KIAA1217: variants seen among roughly 807,000 people sequenced by gnomAD.
KIAA1217 encodes sickle tail protein homolog.
In KIAA1217, 88 loss-of-function variants were observed where a neutral mutation model predicts 163.9. The ratio of observed to expected loss-of-function variants is 0.54; its 90% CI spans 0.45 to 0.64. The LOEUF is 0.64. KIAA1217 is among the 30% of genes least tolerant of loss of function. The pLI, the probability that KIAA1217 is intolerant of heterozygous loss-of-function variation, is 0.00. For missense variants in KIAA1217, 2,372 were observed against 2,475.0 expected (o/e 0.96, Z 0.88); for synonymous variants, 903 against 923.1 (o/e 0.98, Z 0.39).
chr10:23,864,658 G>A (rs112640472), intron 1 of KIAA1217, among the ~76,000 whole-genome samples: 2 of 151,824 alleles, frequency 1.3e-5, no homozygotes, highest in African/African-American at 4.8e-5. Context: ...GCTTTTGTTT[G>A]TCTGTAGCAC....
At chr10:24,428,512 C>G (rs1001165332) in intron 3 of KIAA1217, among the ~76,000 whole-genome samples, 5 of 152,156 alleles carry the variant, frequency 3.3e-5, no homozygotes, top group African/African-American at 1.2e-4. Context: ...GAATGTGTCT[C>G]TACTGTGGAT....
At chr10:24,401,818 C>T (rs2056557853) in intron 3 of KIAA1217, among the ~76,000 whole-genome samples, 1 of 121,936 alleles carries the variant, frequency 8.2e-6, no homozygotes, top group Admixed American at 8.0e-5. Context: ...CATAGGAAAT[C>T]CAATGAATGC....
intron 1 of KIAA1217, among the ~76,000 whole-genome samples, chr10:23,934,923 T>A (rs930419155): frequency 3.9e-5 from 6 of 151,918 alleles, no homozygotes; most frequent in African/African-American, 1.5e-4. Flanking sequence ...AGCCAAAGTA[T>A]ATTTTTTTAA....
intron 1 of KIAA1217, among the ~76,000 whole-genome samples, chr10:23,935,340 G>T (rs746870189): frequency 2.2e-4 from 34 of 152,136 alleles, no homozygotes; most frequent in Non-Finnish European, 4.0e-4. Flanking sequence ...TCAGACTTCT[G>T]CCCACCTCAG....
intron 2 of KIAA1217, among the ~76,000 whole-genome samples, chr10:24,144,028 A>G (rs1369364240): frequency 1.3e-5 from 2 of 152,216 alleles, no homozygotes; most frequent in Non-Finnish European, 2.9e-5. Flanking sequence ...TATCTGCAGT[A>G]TTAGACTGGA....
intron 3 of KIAA1217, among the ~76,000 whole-genome samples, chr10:24,397,148 G>C (rs1162509619): frequency 7.9e-6 from 1 of 126,388 alleles, no homozygotes. Flanking sequence ...GTCTCACTCT[G>C]TCACCCAGGC....
intron 2 of KIAA1217, among the ~76,000 whole-genome samples, chr10:24,372,909 A>G (rs1476832095): frequency 6.6e-6 from 1 of 152,198 alleles, no homozygotes; most frequent in Non-Finnish European, 1.5e-5. Context: ...TACAAGAACT[A>G]CCACTTTTCT....
intron 9 of KIAA1217, 109 bp downstream of exon 9, chr10:24,501,654 C>A: frequency 3.3e-6 from 3 of 910,688 alleles, no homozygotes; most frequent in Non-Finnish European, 4.8e-6. Context: ...ATAGAAACAG[C>A]ATGGCTTCCT....
chr10:24,021,667 G>A (rs1287981130), intron 2 of KIAA1217, among the ~76,000 whole-genome samples: 2 of 151,814 alleles, frequency 1.3e-5, no homozygotes, highest in African/African-American at 4.8e-5. Context: ...TAAAGCTGGA[G>A]GAGTGATACT....
intron 2 of KIAA1217, among the ~76,000 whole-genome samples, chr10:24,166,274 A>G (rs2065341201): frequency 6.6e-6 from 1 of 152,148 alleles, no homozygotes; most frequent in Admixed American, 6.5e-5. Flanking sequence ...CTAGGAAGGC[A>G]TTTCCTGTGG....
chr10:24,376,378 A>C (rs12240537), intron 2 of KIAA1217, among the ~76,000 whole-genome samples: 3,824 of 152,300 alleles, frequency 0.025, 181 homozygotes, highest in African/African-American at 0.088. Flanking sequence ...CTGGCCTTAC[A>C]GATGAGATAC....
At position 24,041,062 on chromosome 10, in the gene KIAA1217, T is replaced by C. The variant is rs114404448; in HGVS notation, c.-171+33688T>C. 2.7e-3 allele frequency among the ~76,000 whole-genome samples: 413 copies of C among 152,348 alleles called. 3 individuals carry two copies. Among genetic ancestry groups the C allele is most frequent in the African/African-American group, 9.3e-3 (386 of 41,574 alleles). On this transcript the variant is annotated intron_variant, in intron 2 of 18. Transcript: ENST00000376462. Reference sequence around the variant, plus strand: ...CTTTCCAGCACATAACTGTGTCTGATAAAGTGCTAAGTAGCTTCACATTTA... The same window carrying C: ...CTTTCCAGCACATAACTGTGTCTGACAAAGTGCTAAGTAGCTTCACATTTA...
At chr10:24,211,569 TGTA>T (rs2068113776) in intron 1 of KIAA1217, among the ~76,000 whole-genome samples, 3 of 140,880 alleles carry the variant, frequency 2.1e-5, no homozygotes, top group African/African-American at 8.3e-5. Context: ...TGTATTGTAT[TGTA>T]TTGTATTGTA....
chr10:24,532,204 G>C (rs571132808), intron 15 of KIAA1217, among the ~76,000 whole-genome samples: 25 of 152,298 alleles, frequency 1.6e-4, no homozygotes, highest in African/African-American at 6.0e-4. Context: ...TTTACTTTTA[G>C]CTGCAACAAT....
At chr10:24,005,916 A>G (rs1264989199) in intron 1 of KIAA1217, among the ~76,000 whole-genome samples, 1 of 152,116 alleles carries the variant, frequency 6.6e-6, no homozygotes, top group Non-Finnish European at 1.5e-5. Context: ...CAGAGCTGGG[A>G]CCCTATCCTC....
At chr10:23,862,124 T>G (rs945154399) in intron 1 of KIAA1217, among the ~76,000 whole-genome samples, 5 of 152,066 alleles carry the variant, frequency 3.3e-5, no homozygotes, top group African/African-American at 1.2e-4. Context: ...TGAGATGCAT[T>G]TAGGTGAGTT....
chr10:23,947,249 G>T (rs544581717), intron 1 of KIAA1217, among the ~76,000 whole-genome samples: 1 of 152,286 alleles, frequency 6.6e-6, no homozygotes, highest in South Asian at 2.1e-4. Flanking sequence ...ACATGAGAAT[G>T]AATTCATTCA....
chr10:23,881,992 A>C (rs879747350), intron 1 of KIAA1217, among the ~76,000 whole-genome samples: 2 of 151,850 alleles, frequency 1.3e-5, no homozygotes, highest in Non-Finnish European at 2.9e-5. Context: ...TATCTCTTTC[A>C]TTATGGTAAA....
chr10:24,115,324 G>T (rs2063009194), intron 2 of KIAA1217, among the ~76,000 whole-genome samples: 1 of 152,194 alleles, frequency 6.6e-6, no homozygotes, highest in African/African-American at 2.4e-5. Flanking sequence ...TCATTATTTA[G>T]ATGAAAGAAA....
Sources: allele counts gnomAD v4.1 joint callset (sites outside exome capture counted in the v4.1 genomes callset), GRCh38; gene constraint gnomAD v4.1.1; transcripts MANE v1.5; gene names NCBI Gene and HGNC (gene_info 2026-07-23, HGNC 2026-07-21).